PBX1: variants seen among roughly 807,000 people sequenced by gnomAD.
The protein encoded by PBX1 is pre-B-cell leukemia transcription factor 1.
PBX1 carries 6 observed loss-of-function variants against 53.4 expected under a neutral mutation model. That is an observed-to-expected ratio of 0.11 (90% CI 0.06 to 0.22). The LOEUF (loss-of-function observed/expected upper bound fraction) is 0.22. PBX1 is among the 10% of genes least tolerant of loss of function. The pLI is 1.00. For missense variants in PBX1, 251 were observed against 551.4 expected, an observed-to-expected ratio of 0.46 and a Z score of 5.46; for synonymous variants, 204 against 212.3, an observed-to-expected ratio of 0.96 and a Z score of 0.34.
At chr1:164,575,097 T>C (rs1571248547) in intron 2 of PBX1, among the ~76,000 whole-genome samples, 2 of 152,258 alleles carry the variant, frequency 1.3e-5, no homozygotes, top group Non-Finnish European at 2.9e-5. Flanking sequence ...TCATGCTATG[T>C]ATTTGCAGCT....
chr1:164,768,898 C>A (rs1040097817), intron 2 of PBX1, among the ~76,000 whole-genome samples: 1 of 152,032 alleles, frequency 6.6e-6, no homozygotes, highest in African/African-American at 2.4e-5. Context: ...ACTAAAAATA[C>A]AGAAATTAAC....
chr1:164,834,187 C>G (rs2102396905), intron 8 of PBX1, among the ~76,000 whole-genome samples: 1 of 151,548 alleles, frequency 6.6e-6, no homozygotes, highest in East Asian at 1.9e-4. Flanking sequence ...CTCATTCACT[C>G]ATTTGTTTAG....
intron 2 of PBX1, among the ~76,000 whole-genome samples, chr1:164,689,773 C>T (rs1427731208): frequency 6.6e-6 from 1 of 152,104 alleles, no homozygotes. Context: ...GCTTGGCTCT[C>T]TTTGGTGTTT....
intron 2 of PBX1, among the ~76,000 whole-genome samples, chr1:164,589,824 G>A (rs1431137659): frequency 6.6e-6 from 1 of 152,212 alleles, no homozygotes; most frequent in Non-Finnish European, 1.5e-5. Context: ...AGTGATTGAA[G>A]TTGAATTAGA....
chr1:164,819,265 T>A (rs1266809804), intron 6 of PBX1: 1 of 152,190 alleles, frequency 6.6e-6, no homozygotes, highest in Non-Finnish European at 1.5e-5. Flanking sequence ...CTTCCATCCC[T>A]GGGAGGTGAA....
chr1:164,676,267 T>A (rs1427307394), intron 2 of PBX1, among the ~76,000 whole-genome samples: 3 of 152,010 alleles, frequency 2.0e-5, no homozygotes, highest in Admixed American at 1.3e-4. Flanking sequence ...TGTTTTCAGA[T>A]CCTTTCCTGA....
chr1:164,693,332 G>A (rs116793353), intron 2 of PBX1, among the ~76,000 whole-genome samples: 1 of 152,236 alleles, frequency 6.6e-6, no homozygotes, highest in African/African-American at 2.4e-5. Context: ...GAATGAGGGA[G>A]CTATTACAAT....
intron 2 of PBX1, among the ~76,000 whole-genome samples, chr1:164,571,961 C>T (rs1485796708): frequency 3.2e-5 from 4 of 126,256 alleles, no homozygotes; most frequent in African/African-American, 1.2e-4. Flanking sequence ...GGCAGGAGTG[C>T]AGTAGTGCGA....
chr1:164,805,449 A>C (rs944722267), intron 4 of PBX1, among the ~76,000 whole-genome samples: 2 of 152,216 alleles, frequency 1.3e-5, no homozygotes, highest in Non-Finnish European at 2.9e-5. Flanking sequence ...AAGATTGCAC[A>C]TCACAAGGAG....
At chr1:164,638,551 C>T (rs185188980) in intron 2 of PBX1, among the ~76,000 whole-genome samples, 6 of 152,286 alleles carry the variant, frequency 3.9e-5, no homozygotes, top group Admixed American at 3.9e-4. Flanking sequence ...AATATAAAGC[C>T]ACCAGTTTTC....
intron 2 of PBX1, among the ~76,000 whole-genome samples, chr1:164,858,616 G>A (rs1452952251): frequency 6.6e-6 from 1 of 152,158 alleles, no homozygotes; most frequent in African/African-American, 2.4e-5. Flanking sequence ...AAGAGGAAGG[G>A]AGAATTTGGG....
Position 164,820,141 on chromosome 1 carries a change from A to T in PBX1, c.1067A>T (p.Asp356Val), listed in dbSNP as rs1282894507. Residue 356 changes from aspartate to valine, a missense_variant, in exon 7 of 9, where the codon GAT becomes GTT. Physicochemically the swap from Asp to Val is radical, Grantham distance 152 (BLOSUM62 -3). Coordinates refer to ENST00000420696, the MANE Select transcript of PBX1 (RefSeq NM_002585.4). ...LFMSVQSLNG[D>V]SYQGAQVGAN... ...ATGAGCGTGCAGTCACTCAATGGGG[A>T]TTCTTACCAAGGGGCCCAGGTTGGA... 1.2e-6 allele frequency: 2 copies of T among 1,613,672 alleles called. No individual in the cohort carries two copies. Among genetic ancestry groups the T allele is most frequent in the Non-Finnish European group, 1.7e-6 (2 of 1,179,780 alleles).
chr1:164,593,895 C>G (rs1414201329), intron 2 of PBX1, among the ~76,000 whole-genome samples: 1 of 152,146 alleles, frequency 6.6e-6, no homozygotes, highest in Non-Finnish European at 1.5e-5. Flanking sequence ...AGAGTTCATT[C>G]ATGCCTGTAA....
At chr1:164,627,373 T>C (rs1182774308) in intron 2 of PBX1, among the ~76,000 whole-genome samples, 1 of 152,136 alleles carries the variant, frequency 6.6e-6, no homozygotes, top group Admixed American at 6.6e-5. Context: ...TTTTTGAGTG[T>C]GTTGGTACCG....
chr1:164,799,263 G>T (rs1264499122), intron 3 of PBX1, among the ~76,000 whole-genome samples: 1 of 152,160 alleles, frequency 6.6e-6, no homozygotes. Context: ...GGCCGAGGCG[G>T]GGGGATCACG....
intron 2 of PBX1, among the ~76,000 whole-genome samples, chr1:164,631,853 A>T (rs1658430359): frequency 1.3e-5 from 2 of 152,234 alleles, no homozygotes; most frequent in South Asian, 4.1e-4. Flanking sequence ...ATTAAGAAAC[A>T]TTATTTTAGA....
At chr1:164,878,123 T>C (rs2102462468) in intron 2 of PBX1, among the ~76,000 whole-genome samples, 1 of 152,324 alleles carries the variant, frequency 6.6e-6, no homozygotes, top group South Asian at 2.1e-4. Context: ...ATTTTAGCTT[T>C]GGACTCAGTT....
chr1:164,631,752 C>T (rs1042312647), intron 2 of PBX1, among the ~76,000 whole-genome samples: 2 of 152,116 alleles, frequency 1.3e-5, no homozygotes, highest in South Asian at 2.1e-4. Context: ...ATATGAAATC[C>T]GTAAGATAAA....
chr1:164,642,835 G>C (rs142258795), intron 2 of PBX1: 2 of 152,072 alleles, frequency 1.3e-5, no homozygotes, highest in Non-Finnish European at 2.9e-5. Context: ...CTAAGGTAAC[G>C]AGCCACCTTT....
Sources: gnomAD v4.1 joint callset for allele counts (sites outside exome capture counted in the v4.1 genomes callset) on GRCh38, gnomAD v4.1.1 for gene constraint, MANE v1.5 for transcripts, NCBI Gene and HGNC (gene_info 2026-07-23, HGNC 2026-07-21) for gene names.